The following KRABD3 variants were observed in gnomAD, a reference collection of about 807,000 sequenced individuals.
The protein encoded by KRABD3 is KRAB domain-containing protein 3.
the KRABD3 span, chr7:149,720,980 G>C: frequency 6.2e-7 from 1 of 1,613,524 alleles, no homozygotes; most frequent in Non-Finnish European, 8.5e-7. Context: ...GAGAGAGAGC[G>C]AGCCCCGAGG....
chr7:149,733,828 G>A, the KRABD3 span: 1 of 1,603,912 alleles, frequency 6.2e-7, no homozygotes, highest in Non-Finnish European at 8.5e-7. Context: ...GGGGCCACCA[G>A]AGCCCCCTTC....
the KRABD3 span, chr7:149,733,773 G>T: frequency 6.3e-7 from 1 of 1,596,342 alleles, no homozygotes; most frequent in Non-Finnish European, 8.5e-7. Flanking sequence ...TCTACACCCA[G>T]CTGCCATGCT....
chr7:149,716,433 G>C, the KRABD3 span, among the ~76,000 whole-genome samples: 25 of 152,320 alleles, frequency 1.6e-4, no homozygotes, highest in African/African-American at 6.0e-4. Context: ...GGCAGAGCCA[G>C]CCAGTGGTGG....
the KRABD3 span, chr7:149,721,618 C>T: frequency 6.8e-7 from 1 of 1,466,806 alleles, no homozygotes; most frequent in South Asian, 1.2e-5. Context: ...ACCCTGTGCC[C>T]TCTTCATTTT....
chr7:149,718,463 T>A, the KRABD3 span, among the ~76,000 whole-genome samples: 1 of 151,864 alleles, frequency 6.6e-6, no homozygotes, highest in Non-Finnish European at 1.5e-5. Flanking sequence ...AGCCTATTGA[T>A]GCTGGTCATT....
the KRABD3 span, chr7:149,719,409 G>A: frequency 1.1e-6 from 1 of 871,950 alleles, no homozygotes; most frequent in Non-Finnish European, 1.7e-6. This position sits in a 1 kb window ranked among gnomAD's most constrained non-coding sequence, Gnocchi z 5.6. Context: ...CTCTTGAGGG[G>A]ATTCCTGCAT....
At chr7:149,728,813 G>T in the KRABD3 span, 1 of 925,822 alleles carries the variant, frequency 1.1e-6, no homozygotes. Flanking sequence ...CTTGTTGGAG[G>T]CCAGAAAGCC....
At chr7:149,731,710 A>C in the KRABD3 span, 1 of 1,611,670 alleles carries the variant, frequency 6.2e-7, no homozygotes, top group Admixed American at 1.7e-5. Context: ...TCAGCTGGAG[A>C]AAAGGCCCAG....
chr7:149,729,099 C>A, the KRABD3 span: 12 of 1,065,948 alleles, frequency 1.1e-5, no homozygotes, highest in South Asian at 1.7e-4. Context: ...GAGAGCCCAG[C>A]AATGGCAGAA....
At chr7:149,720,454 A>T in the KRABD3 span, among the ~76,000 whole-genome samples, 3 of 152,238 alleles carry the variant, frequency 2.0e-5, no homozygotes, top group Admixed American at 2.0e-4. Flanking sequence ...AAGACCTCAG[A>T]TGGTGGATGT....
the KRABD3 span, chr7:149,721,681 C>T: frequency 9.8e-6 from 9 of 914,770 alleles, no homozygotes; most frequent in South Asian, 1.3e-4. Flanking sequence ...CAAAGTACGC[C>T]AGGGAGCAGG....
At chr7:149,722,957 G>A in the KRABD3 span, 4 of 1,585,082 alleles carry the variant, frequency 2.5e-6, no homozygotes, top group Admixed American at 3.8e-5. Flanking sequence ...CCCTGGGCAG[G>A]TGAGTTCTGG....
the KRABD3 span, chr7:149,723,023 G>T: frequency 7.9e-7 from 1 of 1,269,696 alleles, no homozygotes; most frequent in Non-Finnish European, 1.1e-6. Flanking sequence ...GATTCCTCCT[G>T]CTCCAAACTG....
chr7:149,720,860 C>G, the KRABD3 span: 1 of 1,600,864 alleles, frequency 6.2e-7, no homozygotes, highest in Non-Finnish European at 8.5e-7. Flanking sequence ...ACAGCCTGCA[C>G]CTCACAGCCC....
the KRABD3 span, chr7:149,729,749 C>T: frequency 1.0e-6 from 1 of 985,256 alleles, no homozygotes; most frequent in Non-Finnish European, 1.2e-6. Flanking sequence ...GCTGACCCTC[C>T]CATCAGACGA....
At chr7:149,733,979 G>C in the KRABD3 span, 1 of 1,609,368 alleles carries the variant, frequency 6.2e-7, no homozygotes, top group Non-Finnish European at 8.5e-7. Context: ...GCTGGGAGGA[G>C]TGCAGAGGGC....
chr7:149,729,303 C>G, the KRABD3 span: 2 of 1,601,346 alleles, frequency 1.2e-6, no homozygotes, highest in Non-Finnish European at 1.7e-6. Context: ...GCGTCCCCGC[C>G]TGCCACCAGC....
chr7:149,719,658 C>T, the KRABD3 span: 27 of 1,606,454 alleles, frequency 1.7e-5, no homozygotes, highest in African/African-American at 8.1e-5. This position sits in a 1 kb window ranked among gnomAD's most constrained non-coding sequence, Gnocchi z 5.6. Context: ...AACTACGAGA[C>T]GCTGGTCTCT....
the KRABD3 span, chr7:149,720,258 T>A: frequency 9.9e-7 from 1 of 1,008,958 alleles, no homozygotes. Flanking sequence ...TCCCAAGCTT[T>A]CACCCCTCAT....
Sources: gnomAD v4.1 joint callset for allele counts (sites outside exome capture counted in the v4.1 genomes callset) on GRCh38, gnomAD v4.1.1 for gene constraint, Gnocchi (gnomAD v3.1) non-coding constraint, MANE v1.5 for transcripts, NCBI Gene and HGNC (gene_info 2026-07-23, HGNC 2026-07-21) for gene names.